The following ANAPC2 variants were observed in gnomAD, a reference collection of about 807,000 sequenced individuals.
ANAPC2 encodes the protein anaphase-promoting complex subunit 2.
ANAPC2 carries 29 observed loss-of-function variants against 84.3 expected under a neutral mutation model. The observed-to-expected ratio is 0.34, with a 90% confidence interval of 0.26 to 0.47. The LOEUF is 0.47. ANAPC2 is among the 20% of genes least tolerant of loss of function. The probability of loss-of-function intolerance (pLI) is 1.00; values close to 1 mark genes in which losing one functional copy is unlikely to be tolerated. For synonymous variants in ANAPC2, 571 were observed against 479.4 expected (o/e 1.19, Z -2.50); for missense variants, 857 against 1,131.7 (o/e 0.76, Z 3.48).
chr9:137,186,983 A>C, intron 2 of ANAPC2: 1 of 171,684 alleles, frequency 5.8e-6, no homozygotes. Flanking sequence ...GGCCAAGGGT[A>C]TGACAATTGC....
rs1834530553 is a variant in ANAPC2 at position 137,188,515 on chromosome 9, C to T, written c.18G>A (p.Val6=). The part of the protein sequence containing the change: MAAAV[V]VAEGDSDSRP... ...GGGAGTCGCTGTCCCCCTCCGCCAC[C>T]ACAACTGCCGCCGCCATCTGCACCC... is the stretch of plus-strand genomic sequence containing the variant. Residue 6 remains valine (V), a synonymous_variant, in exon 1 of 13, where the codon GTG becomes GTA. Transcript: ENST00000323927. The T allele has an allele frequency of 3.1e-6, 5 of 1,609,014 alleles. No homozygotes were observed. The highest frequency in any genetic ancestry group is 4.2e-6 in the Non-Finnish European group (5 of 1,179,292).
At chr9:137,185,507 A>C (rs1834446063) in intron 3 of ANAPC2, among the ~76,000 whole-genome samples, 1 of 152,194 alleles carries the variant, frequency 6.6e-6, no homozygotes, top group South Asian at 2.1e-4. Context: ...AGGCGTGCTC[A>C]TGCCCCACAG....
intron 1 of ANAPC2, 128 bp from the exon 2 acceptor site, chr9:137,188,231 G>A: frequency 7.2e-7 from 1 of 1,382,018 alleles, no homozygotes. Flanking sequence ...CCGGACGTTG[G>A]GCCGAAGCTA....
intron 4 of ANAPC2, among the ~76,000 whole-genome samples, chr9:137,184,379 G>A (rs1333583603): frequency 6.7e-6 from 1 of 149,316 alleles, no homozygotes; most frequent in African/African-American, 2.5e-5. Context: ...AGCAGACACG[G>A]TGAAGGCACG....
In ANAPC2 at chr9:137,174,938, T is replaced by C; in HGVS notation, c.*4A>G. ...GGCGGGCGGGCGGGCGGGCGGGCGATGTGTCAGCTGCAGTTCTTGGGCAGG... is the reference window on the plus strand; with the variant it reads ...GGCGGGCGGGCGGGCGGGCGGGCGACGTGTCAGCTGCAGTTCTTGGGCAGG... On this transcript the variant is annotated 3_prime_UTR_variant, in exon 13 of 13. Coordinates refer to ENST00000323927, the MANE Select transcript of ANAPC2 (RefSeq NM_013366.4). This position sits in a 1 kb window ranked among gnomAD's most constrained non-coding sequence, Gnocchi z 6.1. The C allele has an allele frequency of 1.3e-6, 2 of 1,540,566 alleles. No homozygotes were observed. The highest frequency in any genetic ancestry group is 1.7e-6 in the Non-Finnish European group (2 of 1,143,246).
chr9:137,185,288 G>A (rs1261189607), intron 3 of ANAPC2, among the ~76,000 whole-genome samples: 1 of 152,236 alleles, frequency 6.6e-6, no homozygotes, highest in Non-Finnish European at 1.5e-5. Flanking sequence ...CGGCCCCCCT[G>A]CAGTCTTCGT....
Position 137,174,904 on chromosome 9 carries a change from G to A in ANAPC2, c.*38C>T, listed in dbSNP as rs1248436164. The A allele has an allele frequency of 1.4e-6, 2 of 1,421,826 alleles. No homozygotes were observed. Among genetic ancestry groups the A allele is most frequent in the South Asian group, 1.4e-5 (1 of 73,576 alleles). 88.1% of individuals were successfully genotyped at this position (1,421,826 alleles called of 1,614,324 possible). On this transcript the variant is annotated 3_prime_UTR_variant, in exon 13 of 13. Coordinates refer to ENST00000323927, the MANE Select transcript of ANAPC2 (RefSeq NM_013366.4). This position sits in a 1 kb window ranked among gnomAD's most constrained non-coding sequence, Gnocchi z 6.1. Reference sequence around the variant, plus strand: ...ACGGGAGGACGAGAGCACCTGCAGGGCAGCGCCTGGCGGGCGGGCGGGCGG... The same window carrying A: ...ACGGGAGGACGAGAGCACCTGCAGGACAGCGCCTGGCGGGCGGGCGGGCGG...
At chr9:137,179,815 C>T (rs1242511302) in intron 10 of ANAPC2, among the ~76,000 whole-genome samples, 1 of 152,230 alleles carries the variant, frequency 6.6e-6, no homozygotes, top group Non-Finnish European at 1.5e-5. Context: ...GCAAGGCACC[C>T]CAAGCCCCGG....
chr9:137,182,990 C>T (rs975637400), intron 6 of ANAPC2, 135 bp downstream of exon 6: 18 of 689,208 alleles, frequency 2.6e-5, no homozygotes, highest in African/African-American at 9.0e-5. Context: ...GGCCTGATCC[C>T]GTGCACTCAG....
chr9:137,183,651 T>C (rs763469002), intron 5 of ANAPC2, 21 bp downstream of exon 5: 1 of 1,603,848 alleles, frequency 6.2e-7, no homozygotes. Context: ...GAGTGCTGGG[T>C]GGCCGGGCAG....
At chr9:137,181,352 A>AGG (rs1834338876) in intron 7 of ANAPC2, among the ~76,000 whole-genome samples, 1 of 152,208 alleles carries the variant, frequency 6.6e-6, no homozygotes, top group Non-Finnish European at 1.5e-5. Flanking sequence ...TTGAGGCCCA[A>AGG]ATCAGTACAG....
At chr9:137,185,683 A>G (rs1418227005) in intron 3 of ANAPC2, among the ~76,000 whole-genome samples, 1 of 152,192 alleles carries the variant, frequency 6.6e-6, no homozygotes, top group Non-Finnish European at 1.5e-5. Context: ...GACAGGTGAC[A>G]CATGGGAACA....
intron 1 of ANAPC2, 111 bp downstream of exon 1, chr9:137,188,304 AG>A: frequency 1.5e-6 from 2 of 1,336,650 alleles, no homozygotes; most frequent in Non-Finnish European, 2.0e-6. Context: ...ATGGCAGGAC[AG>A]GACAGAGGCG....
chr9:137,185,235 A>G (rs1834437404), intron 3 of ANAPC2, 148 bp from the exon 4 acceptor site: 3 of 847,350 alleles, frequency 3.5e-6, no homozygotes, highest in Non-Finnish European at 1.7e-6. Context: ...GCTGGAGCAC[A>G]TCAAAACCTG....
intron 6 of ANAPC2, among the ~76,000 whole-genome samples, chr9:137,182,811 T>C (rs1288205408): frequency 6.6e-6 from 1 of 152,170 alleles, no homozygotes; most frequent in Non-Finnish European, 1.5e-5. Flanking sequence ...CCTTGGGGAC[T>C]GGTCAGCACC....
At chr9:137,179,588 G>A (rs1308911587) in intron 10 of ANAPC2, among the ~76,000 whole-genome samples, 1 of 152,188 alleles carries the variant, frequency 6.6e-6, no homozygotes, top group African/African-American at 2.4e-5. Flanking sequence ...TCCAGGCCAG[G>A]GCTCACTCCT....
intron 2 of ANAPC2, chr9:137,187,183 C>T: frequency 4.9e-6 from 2 of 405,190 alleles, no homozygotes; most frequent in Non-Finnish European, 4.5e-6. Context: ...ACAAAAGGCA[C>T]AGTGGAATTC....
rs747050984 is a variant in ANAPC2, at chr9:137,174,935, C to CG, written c.*6dup. 123 of 1,527,324 alleles carry CG rather than the reference C, an allele frequency of 8.1e-5. 1 individual carries two copies. The African/African-American group carries it at 1.3e-3, about 16-fold the overall frequency. 94.6% of individuals were successfully genotyped at this position (1,527,324 alleles called of 1,614,324 possible). The stretch of plus-strand genomic sequence containing the variant: ...CCTGGCGGGCGGGCGGGCGGGCGGG[C>CG]GATGTGTCAGCTGCAGTTCTTGGGC... On this transcript the variant is annotated 3_prime_UTR_variant, in exon 13 of 13. Coordinates refer to ENST00000323927, the MANE Select transcript of ANAPC2 (RefSeq NM_013366.4). This position sits in a 1 kb window ranked among gnomAD's most constrained non-coding sequence, Gnocchi z 6.1.
intron 2 of ANAPC2, 104 bp from the exon 3 acceptor site, chr9:137,186,460 A>G: frequency 2.4e-6 from 2 of 821,734 alleles, no homozygotes; most frequent in South Asian, 2.1e-5. Context: ...TGCATGCAGC[A>G]CACACACACA....
Sources: allele counts gnomAD v4.1 joint callset (sites outside exome capture counted in the v4.1 genomes callset), GRCh38; gene constraint gnomAD v4.1.1; non-coding constraint Gnocchi (gnomAD v3.1); transcripts MANE v1.5; gene names NCBI Gene and HGNC (gene_info 2026-07-23, HGNC 2026-07-21).